P2RY12: variants seen among roughly 807,000 people sequenced by gnomAD.
P2RY12 encodes P2Y purinoceptor 12.
A neutral mutation model predicts 4.5 loss-of-function variants in P2RY12; 3 were observed. That is an observed-to-expected ratio of 0.67 (90% CI 0.31 to 1.74). P2RY12 has a LOEUF of 1.74. Among genes scored for constraint, P2RY12 ranks in the 40% most tolerant of loss-of-function variants. P2RY12 has a pLI of 0.09. For missense variants in P2RY12, 356 were observed against 407.8 expected, an observed-to-expected ratio of 0.87 and a Z score of 1.09; for synonymous variants, 148 against 154.1, an observed-to-expected ratio of 0.96 and a Z score of 0.29.
intron 1 of P2RY12, chr3:151,378,280 A>C (rs1711578450): frequency 8.5e-7 from 1 of 1,177,086 alleles, no homozygotes; most frequent in African/African-American, 1.6e-5. Flanking sequence ...ACTGAAATTT[A>C]GTTTTTAAAT....
At chr3:151,378,264 C>T in intron 1 of P2RY12, 1 of 1,266,936 alleles carries the variant, frequency 7.9e-7, no homozygotes, top group East Asian at 2.7e-5. Flanking sequence ...ACTGTACCCA[C>T]AGTCCACTGA....
In P2RY12 at chr3:151,338,714, G is replaced by T; in HGVS notation, c.132C>A (p.Gly44=). The T allele has an allele frequency of 6.2e-7, 1 of 1,613,464 alleles. No individual in the cohort carries two copies. Residue 44 remains glycine (G), a synonymous_variant, in exon 3 of 3, where the codon GGC becomes GGA. Transcript: ENST00000302632. ...VLFFVGLITN[G]LAMRIFFQIR... ...TTTGAAAGAAAATCCTCATCGCCAG[G>T]CCATTTGTGATAAGTCCAACAAAAA...
chr3:151,338,910 T>C, intron 2 of P2RY12, 51 bp from the exon 3 acceptor site: 1 of 1,526,952 alleles, frequency 6.5e-7, no homozygotes, highest in Non-Finnish European at 9.0e-7. Flanking sequence ...TAGTTATTAT[T>C]GCTGTTATCT....
intron 1 of P2RY12, chr3:151,372,691 T>C: frequency 1.2e-6 from 2 of 1,613,988 alleles, no homozygotes; most frequent in Non-Finnish European, 1.7e-6. Flanking sequence ...CAAAATCCTG[T>C]GGGAAAAGCA....
intron 1 of P2RY12, among the ~76,000 whole-genome samples, chr3:151,370,717 T>C (rs1001069973): frequency 6.6e-6 from 1 of 152,228 alleles, no homozygotes; most frequent in African/African-American, 2.4e-5. Context: ...AGATAGGGAC[T>C]GGCTTTTTTA....
Position 151,343,872 on chromosome 3 carries a change from T to C in P2RY12, c.-179-3112A>G, listed in dbSNP as rs376390210. 2.6e-4 allele frequency among the ~76,000 whole-genome samples: 39 copies of C among 152,316 alleles called. 1 individual carries two copies. Among genetic ancestry groups the C allele is most frequent in the African/African-American group, 9.1e-4 (38 of 41,572 alleles). ...TTGGAACTGGGCAGGAGGATAGAGA[T>C]ATAATTATGACATTTGATAGCTCTT... is the stretch of plus-strand genomic sequence containing the variant. On this transcript the variant is annotated intron_variant, in intron 1 of 2. Coordinates refer to ENST00000302632, the MANE Select transcript of P2RY12 (RefSeq NM_022788.5).
chr3:151,384,514 ACT>A (rs1712975506), intron 1 of P2RY12, among the ~76,000 whole-genome samples, 176 bp downstream of exon 1: 1 of 152,180 alleles, frequency 6.6e-6, no homozygotes, highest in Admixed American at 6.5e-5. Flanking sequence ...ATTTAGGATA[ACT>A]CTATGCTTGG....
intron 1 of P2RY12, among the ~76,000 whole-genome samples, chr3:151,348,710 G>A (rs1380770859): frequency 6.6e-6 from 1 of 152,134 alleles, no homozygotes; most frequent in Non-Finnish European, 1.5e-5. Context: ...AGTGCAATGG[G>A]AAGCAGTGGC....
chr3:151,353,540 C>T (rs1219169772), intron 1 of P2RY12, among the ~76,000 whole-genome samples: 1 of 152,206 alleles, frequency 6.6e-6, no homozygotes, highest in Non-Finnish European at 1.5e-5. Context: ...ACTCTAGCAT[C>T]AAGGTTTCTT....
intron 1 of P2RY12, chr3:151,379,961 T>G: frequency 1.9e-6 from 1 of 529,866 alleles, no homozygotes. Context: ...TTTAATTTTA[T>G]AAGTAGAGGT....
chr3:151,355,110 T>C (rs1753748890), intron 1 of P2RY12: 6 of 1,595,382 alleles, frequency 3.8e-6, no homozygotes, highest in Non-Finnish European at 5.2e-6. Context: ...ATCTGCTTTA[T>C]GTTTATGTAG....
At chr3:151,371,504 T>G (rs1004816047) in intron 1 of P2RY12, among the ~76,000 whole-genome samples, 2 of 152,228 alleles carry the variant, frequency 1.3e-5, no homozygotes, top group Non-Finnish European at 2.9e-5. Flanking sequence ...TTGAAATACA[T>G]TATTTATTCC....
chr3:151,350,344 A>G (rs1010812821), intron 1 of P2RY12: 50 of 672,506 alleles, frequency 7.4e-5, no homozygotes, highest in Middle Eastern at 7.7e-4. Context: ...AAATGTGAAC[A>G]AGCACATTTA....
At chr3:151,362,988 T>C (rs951611249) in intron 1 of P2RY12, among the ~76,000 whole-genome samples, 1 of 152,154 alleles carries the variant, frequency 6.6e-6, no homozygotes, top group East Asian at 1.9e-4. Flanking sequence ...CAGCCGTTTT[T>C]TTAATAGTGA....
chr3:151,359,837 A>G (rs1754389679), intron 1 of P2RY12, among the ~76,000 whole-genome samples: 1 of 152,152 alleles, frequency 6.6e-6, no homozygotes, highest in African/African-American at 2.4e-5. Flanking sequence ...GCTGTGGTGT[A>G]TGGACTTCTG....
Position 151,374,745 on chromosome 3 carries a change from T to A in P2RY12, c.-180+9947A>T, listed in dbSNP as rs994409487. On this transcript the variant is annotated intron_variant, in intron 1 of 2. Transcript: ENST00000302632. Reference sequence around the variant, plus strand: ...GAAATAGAACTAGGTTCATTTGGTTTTGCATTATTTAAATTCCTTTCTTGT... The same window carrying A: ...GAAATAGAACTAGGTTCATTTGGTTATGCATTATTTAAATTCCTTTCTTGT... 5.3e-5 allele frequency among the ~76,000 whole-genome samples: 8 copies of A among 152,336 alleles called. 1 individual carries two copies. Among genetic ancestry groups the A allele is most frequent in the Admixed American group, 5.2e-4 (8 of 15,306 alleles).
intron 1 of P2RY12, among the ~76,000 whole-genome samples, chr3:151,353,895 A>C (rs1315161822): frequency 6.6e-6 from 1 of 151,952 alleles, no homozygotes; most frequent in Non-Finnish European, 1.5e-5. Flanking sequence ...TAATCCCAGC[A>C]CTTTGGGAGG....
chr3:151,355,979 C>T (rs754468023), intron 1 of P2RY12: 15 of 1,614,002 alleles, frequency 9.3e-6, no homozygotes, highest in Non-Finnish European at 1.2e-5. Flanking sequence ...ACATTCAGCT[C>T]ATCTTTGATC....
At chr3:151,375,067 T>C (rs1304851812) in intron 1 of P2RY12, among the ~76,000 whole-genome samples, 3 of 152,268 alleles carry the variant, frequency 2.0e-5, no homozygotes, top group Non-Finnish European at 4.4e-5. Context: ...CATATAAGTA[T>C]TGAGAGGCAA....
Sources: allele counts gnomAD v4.1 joint callset (sites outside exome capture counted in the v4.1 genomes callset), GRCh38; gene constraint gnomAD v4.1.1; transcripts MANE v1.5; gene names NCBI Gene and HGNC (gene_info 2026-07-23, HGNC 2026-07-21).